The following ZMIZ1 variants were observed in gnomAD, a reference collection of about 807,000 sequenced individuals.
The protein encoded by ZMIZ1 is zinc finger MIZ domain-containing protein 1.
A neutral mutation model predicts 113.9 loss-of-function variants in ZMIZ1; 17 were observed. The ratio of observed to expected loss-of-function variants is 0.15; its 90% CI spans 0.10 to 0.22. ZMIZ1 has a LOEUF of 0.22. Ranked by LOEUF, ZMIZ1 falls within the 10% of genes least tolerant of loss-of-function variation. The pLI is 1.00. For synonymous variants in ZMIZ1, 607 were observed against 603.1 expected (o/e 1.01, Z -0.09); for missense variants, 1,059 against 1,477.8 (o/e 0.72, Z 4.65).
At chr10:79,113,966 G>A (rs1843872957) in intron 1 of ZMIZ1, among the ~76,000 whole-genome samples, 1 of 152,212 alleles carries the variant, frequency 6.6e-6, no homozygotes. Context: ...AGGCGGTGCT[G>A]GAGTCTCCCT....
At chr10:79,085,407 C>T (rs1393511186) in intron 1 of ZMIZ1, among the ~76,000 whole-genome samples, 14 of 152,236 alleles carry the variant, frequency 9.2e-5, no homozygotes, top group Admixed American at 1.3e-4. Context: ...GCCATTTGCA[C>T]ATGCCATTGG....
chr10:79,243,708 AG>A, intron 7 of ZMIZ1: 2 of 294,942 alleles, frequency 6.8e-6, no homozygotes, highest in South Asian at 2.4e-5. Flanking sequence ...CGAGGGCGCC[AG>A]GGCGGGATCG....
At position 79,304,621 on chromosome 10, in the gene ZMIZ1, A is replaced by G. The variant is rs115014041; in HGVS notation, c.2286+446A>G. 5.1e-3 allele frequency among the ~76,000 whole-genome samples: 773 copies of G among 152,322 alleles called. 6 individuals are homozygous for G. The highest frequency in any genetic ancestry group is 0.017 in the African/African-American group (705 of 41,576). ...ATGGGCAGCCCGGCCTGGAAGAAGAAGGAGCCGTCTTCTGGAACCTGGGTG... is the reference window on the plus strand; with the variant it reads ...ATGGGCAGCCCGGCCTGGAAGAAGAGGGAGCCGTCTTCTGGAACCTGGGTG... On this transcript the variant is annotated intron_variant, in intron 19 of 24. Coordinates refer to ENST00000334512, the MANE Select transcript of ZMIZ1 (RefSeq NM_020338.4).
chr10:79,141,437 T>A (rs1278585791), intron 3 of ZMIZ1, among the ~76,000 whole-genome samples: 1 of 151,820 alleles, frequency 6.6e-6, no homozygotes, highest in African/African-American at 2.4e-5. Context: ...ACTCTTTCAC[T>A]AGCCAAGGAA....
In ZMIZ1 at chr10:79,315,149, C is replaced by T. The variant is rs1855452840; in HGVS notation, c.*2400C>T. 1 of 152,872 alleles carries T rather than the reference C, an allele frequency of 6.5e-6. No homozygotes were observed. The highest frequency in any genetic ancestry group is 1.5e-5 in the Non-Finnish European group (1 of 68,172). 9.5% of individuals were successfully genotyped at this position (152,872 alleles called of 1,614,324 possible). ...CACCTGAGGCGGGTTTCCTGGGTCC[C>T]CTCTCCAGCAAGCCTCCACCAGCAA... is the stretch of plus-strand genomic sequence containing the variant. On this transcript the variant is annotated 3_prime_UTR_variant, in exon 25 of 25. Coordinates refer to ENST00000334512, the MANE Select transcript of ZMIZ1 (RefSeq NM_020338.4).
At chr10:79,263,896 G>A (rs1163933354) in intron 7 of ZMIZ1, among the ~76,000 whole-genome samples, 1 of 152,094 alleles carries the variant, frequency 6.6e-6, no homozygotes, top group African/African-American at 2.4e-5. Flanking sequence ...GGGTGGGAGA[G>A]GACACAGCTA....
At chr10:79,081,826 G>A (rs954278915) in intron 1 of ZMIZ1, among the ~76,000 whole-genome samples, 3 of 152,248 alleles carry the variant, frequency 2.0e-5, no homozygotes, top group African/African-American at 7.2e-5. Flanking sequence ...AGGCCAGCAC[G>A]TTGCATGCTG....
intron 4 of ZMIZ1, among the ~76,000 whole-genome samples, chr10:79,175,435 C>G (rs1284252763): frequency 6.6e-6 from 1 of 152,186 alleles, no homozygotes; most frequent in Non-Finnish European, 1.5e-5. Context: ...GTGTCTCTCA[C>G]TTGGGTTTGT....
At chr10:79,245,299 G>A (rs563495172) in intron 7 of ZMIZ1, among the ~76,000 whole-genome samples, 5 of 152,320 alleles carry the variant, frequency 3.3e-5, no homozygotes, top group East Asian at 3.9e-4. Context: ...TGATGTGCCC[G>A]AGATCATCCA....
intron 6 of ZMIZ1, among the ~76,000 whole-genome samples, chr10:79,211,402 T>C: frequency 6.6e-6 from 1 of 151,852 alleles, no homozygotes; most frequent in Admixed American, 6.6e-5. Flanking sequence ...CCAAGGGACC[T>C]AGGTGGGGCA....
chr10:79,100,800 G>T (rs1843341014), intron 1 of ZMIZ1, among the ~76,000 whole-genome samples: 1 of 152,204 alleles, frequency 6.6e-6, no homozygotes. Flanking sequence ...TGGTCATCGG[G>T]GGCACTGGGT....
At chr10:79,243,686 GC>G in intron 7 of ZMIZ1, 1 of 307,008 alleles carries the variant, frequency 3.3e-6, no homozygotes, top group Non-Finnish European at 6.5e-6. Context: ...CGCCGGCCGG[GC>G]CCCAAGCCCC....
rs1854058413 is a variant in ZMIZ1 at position 79,298,441 on chromosome 10, C to T, written c.1527C>T (p.His509=). ...CGGTTCCTGTGGCAAATTACCCCCA[C>T]TCACCTGTTCCAGGGAACCCCACAC... ...PRPVPVANYP[H]SPVPGNPTPP... The change falls in exon 15 of 25, where the codon CAC becomes CAT. Residue 509 remains histidine, a synonymous_variant. Transcript: ENST00000334512. The T allele has an allele frequency of 1.9e-6, 3 of 1,609,942 alleles. No homozygotes were observed. Among genetic ancestry groups the T allele is most frequent in the Non-Finnish European group, 1.7e-6 (2 of 1,178,164 alleles).
chr10:79,072,077 C>G (rs1842306323), intron 1 of ZMIZ1, among the ~76,000 whole-genome samples: 1 of 152,068 alleles, frequency 6.6e-6, no homozygotes, highest in South Asian at 2.1e-4. Flanking sequence ...TAAGAAATTG[C>G]TGGACTTATG....
intron 4 of ZMIZ1, among the ~76,000 whole-genome samples, chr10:79,193,942 G>C (rs138382288): frequency 2.6e-5 from 4 of 152,346 alleles, no homozygotes; most frequent in African/African-American, 7.2e-5. Context: ...CAGGTTGGCA[G>C]GTCATTGCTG....
rs550388753 is a variant in ZMIZ1, at chr10:79,153,896, G to A, written c.-130-8157G>A. Among the ~76,000 whole-genome samples, 11 of 152,352 alleles carry A rather than the reference G, an allele frequency of 7.2e-5. No individual in the cohort carries two copies. The South Asian group carries it at 1.7e-3, about 23-fold the overall frequency. On this transcript the variant is annotated intron_variant, in intron 3 of 24. Transcript: ENST00000334512. ...ATCACTTCAGACTGGCCTGGCCCAC[G>A]TGTGGCCAGAATCCCAAAGGGATGC... is the stretch of plus-strand genomic sequence containing the variant.
At chr10:79,215,044 T>TG (rs1034534704) in intron 6 of ZMIZ1, among the ~76,000 whole-genome samples, 9 of 142,610 alleles carry the variant, frequency 6.3e-5, no homozygotes, top group African/African-American at 2.6e-4. Flanking sequence ...ACTTCTGAGA[T>TG]TTTAAGGAGA....
At chr10:79,105,478 A>G (rs962868276) in intron 1 of ZMIZ1, among the ~76,000 whole-genome samples, 1 of 152,194 alleles carries the variant, frequency 6.6e-6, no homozygotes, top group Admixed American at 6.5e-5. Context: ...CTCAAAGGTA[A>G]ACAAAAGTGA....
intron 3 of ZMIZ1, among the ~76,000 whole-genome samples, chr10:79,149,911 C>G (rs1391593776): frequency 6.6e-6 from 1 of 152,222 alleles, no homozygotes; most frequent in Non-Finnish European, 1.5e-5. Context: ...GCACTTTTGT[C>G]GAGGCCTCAC....
Sources: gnomAD v4.1 joint callset for allele counts (sites outside exome capture counted in the v4.1 genomes callset) on GRCh38, gnomAD v4.1.1 for gene constraint, MANE v1.5 for transcripts, NCBI Gene and HGNC (gene_info 2026-07-23, HGNC 2026-07-21) for gene names.